Variants in DENND10 observed in about 807,000 individuals in gnomAD.
The protein encoded by DENND10 is DENN domain containing 10, also known as DENN domain-containing protein 10.
In DENND10, 24 loss-of-function variants were observed where a neutral mutation model predicts 43.6. The observed-to-expected ratio is 0.55, with a 90% CI of 0.40 to 0.77. The LOEUF (loss-of-function observed/expected upper bound fraction) is 0.77, where lower values mean the gene tolerates loss of function less well. DENND10 is among the 30% of genes least tolerant of loss of function. The pLI is 0.00. For missense variants in DENND10, 303 were observed against 429.9 expected (o/e 0.70, Z 2.61); for synonymous variants, 125 against 157.6 (o/e 0.79, Z 1.55).
At chr10:119,113,649 C>T (rs1845091026) in intron 3 of DENND10, among the ~76,000 whole-genome samples, 1 of 146,720 alleles carries the variant, frequency 6.8e-6, no homozygotes, top group Admixed American at 7.0e-5. Flanking sequence ...AGGCTTTTGG[C>T]TATTTTTGTG....
chr10:119,120,453 G>C lies in DENND10; in HGVS notation c.593+1G>C. 8.9e-6 allele frequency: 14 copies of C among 1,574,042 alleles called. No homozygotes were observed. The highest frequency in any genetic ancestry group is 1.1e-5 in the Non-Finnish European group (13 of 1,143,910). ...TAGAAGCGGTCCAGGAGTTCACCAGGTATCACCTCTAATTATAAAAAAGTG... is the reference window on the plus strand; with the variant it reads ...TAGAAGCGGTCCAGGAGTTCACCAGCTATCACCTCTAATTATAAAAAAGTG... On this transcript the variant is annotated splice_donor_variant, in intron 5 of 8. Coordinates refer to ENST00000361432, the MANE Select transcript of DENND10 (RefSeq NM_207009.4). LOFTEE classifies it high-confidence loss of function.
chr10:119,136,003 C>CCAT (rs1481789307), intron 8 of DENND10, among the ~76,000 whole-genome samples: 1 of 151,870 alleles, frequency 6.6e-6, no homozygotes, highest in Admixed American at 6.6e-5. Context: ...TGGTGAAACC[C>CCAT]CATCTCTACA....
chr10:119,129,605 T>C lies in DENND10; in HGVS notation c.785T>C (p.Ile262Thr), dbSNP rs757662276. 3 of 1,609,106 alleles carry C rather than the reference T, an allele frequency of 1.9e-6. No individual in the cohort carries two copies. Among genetic ancestry groups the C allele is most frequent in the East Asian group, 2.2e-5 (1 of 44,854 alleles). Residue 262 changes from isoleucine to threonine, a missense_variant, in exon 7 of 9, where the codon ATT (isoleucine) becomes ACT (threonine). Transcript: ENST00000361432. ...FVNLAESEITIAPLAKEAMAM... is the reference protein window; with the variant it reads ...FVNLAESEITTAPLAKEAMAM... ...AATCTGGCAGAGAGTGAGATTACCA[T>C]TGCTCCCCTTGCAAAAGGTTTGTTC... is the stretch of plus-strand genomic sequence containing the variant.
intron 3 of DENND10, chr10:119,114,283 CACACACAGGTCTGTGTGTACAT>C (rs1324515949): frequency 6.6e-6 from 1 of 152,066 alleles, no homozygotes; most frequent in Non-Finnish European, 1.5e-5. Context: ...CACACACACA[CACACACAGGTCTGTGTGTACAT>C]GCACACACTC....
At chr10:119,118,563 C>T (rs1845405518) in intron 4 of DENND10, among the ~76,000 whole-genome samples, 1 of 152,114 alleles carries the variant, frequency 6.6e-6, no homozygotes, top group East Asian at 1.9e-4. Flanking sequence ...TCCTTTTGAT[C>T]CCGCTGTTCT....
At position 119,137,748 on chromosome 10, in the gene DENND10, T is replaced by C. The variant is rs917723128; in HGVS notation, c.*1101T>C. ...TTCATCTTTTTCTTGGTATTACATA[T>C]TTGTTCAATAAAAATTAAACACCCT... On this transcript the variant is annotated 3_prime_UTR_variant, in exon 9 of 9. Transcript: ENST00000361432. The C allele has an allele frequency of 1.8e-5, 3 of 166,604 alleles. No homozygotes were observed. The highest frequency in any genetic ancestry group is 2.9e-5 in the Non-Finnish European group (2 of 68,068). 10.3% of individuals were successfully genotyped at this position (166,604 alleles called of 1,614,324 possible).
chr10:119,123,419 C>A (rs1478015188), intron 5 of DENND10, 50 bp from the exon 6 acceptor site: 3 of 1,368,772 alleles, frequency 2.2e-6, no homozygotes, highest in Non-Finnish European at 3.1e-6. Flanking sequence ...CAGGCTGAGT[C>A]TTTAAGGTGT....
At chr10:119,117,801 A>C (rs751710597) in intron 4 of DENND10, 134 bp downstream of exon 4, 30 of 815,244 alleles carry the variant, frequency 3.7e-5, no homozygotes, top group Non-Finnish European at 5.3e-5. Context: ...CCTCGTCTCC[A>C]CTAAAAATAC....
At chr10:119,125,309 A>C (rs1239093473) in intron 6 of DENND10, among the ~76,000 whole-genome samples, 1 of 150,560 alleles carries the variant, frequency 6.6e-6, no homozygotes, top group Non-Finnish European at 1.5e-5. Flanking sequence ...TTTATCAGTG[A>C]CTTTTTTTTT....
At chr10:119,125,060 C>T (rs907789183) in intron 6 of DENND10, among the ~76,000 whole-genome samples, 14 of 152,030 alleles carry the variant, frequency 9.2e-5, no homozygotes, top group African/African-American at 2.9e-4. Context: ...CAACCTCTGC[C>T]TCCTAGGTTC....
At chr10:119,133,340 C>T (rs1021313591) in intron 8 of DENND10, 4 of 152,404 alleles carry the variant, frequency 2.6e-5, no homozygotes, top group Non-Finnish European at 4.4e-5. Flanking sequence ...GAAGGACTGT[C>T]TCCCATCTGC....
In DENND10 at chr10:119,136,582, T is replaced by C. The variant is rs756032366; in HGVS notation, c.1009T>C (p.Phe337Leu). ...LNLEALKQKR[F>L]PPATENFLYH... The stretch of plus-strand genomic sequence containing the variant: ...TTTGGAGGCGCTAAAGCAAAAACGA[T>C]TTCCACCAGCAACAGAAAACTTCCT... Residue 337 changes from phenylalanine to leucine, a missense_variant, in exon 9 of 9, where the codon TTT (phenylalanine) becomes CTT (leucine). Physicochemically the swap from Phe to Leu is conservative, Grantham distance 22. Coordinates refer to ENST00000361432, the MANE Select transcript of DENND10 (RefSeq NM_207009.4). 2 of 1,580,844 alleles carry C rather than the reference T, an allele frequency of 1.3e-6. No individual in the cohort carries two copies. Among genetic ancestry groups the C allele is most frequent in the Non-Finnish European group, 1.7e-6 (2 of 1,166,938 alleles).
In DENND10 at chr10:119,111,581, C is replaced by CT. The variant is rs552265991; in HGVS notation, c.253-261dup. On this transcript the variant is annotated intron_variant, in intron 2 of 8. Transcript: ENST00000361432. ...TTAGGGGACATTAAGTAGAAATGTA[C>CT]TTTTTTTATATTTGAGTGAAGTATT... Among the ~76,000 whole-genome samples the CT allele has an allele frequency of 1.5e-3, 228 of 151,548 alleles. 2 individuals carry two copies. The highest frequency in any genetic ancestry group is 5.4e-3 in the African/African-American group (221 of 40,980).
chr10:119,123,604 AC>A, intron 6 of DENND10, 35 bp downstream of exon 6: 12 of 1,251,678 alleles, frequency 9.6e-6, no homozygotes, highest in Non-Finnish European at 1.2e-5. Flanking sequence ...GAACTGTTTC[AC>A]TTTTTTTTTT....
chr10:119,129,697 C>G, intron 7 of DENND10, 75 bp downstream of exon 7: 1 of 1,070,162 alleles, frequency 9.3e-7, no homozygotes, highest in Non-Finnish European at 1.4e-6. Context: ...TTCTCTAAAA[C>G]CAGTATGTGA....
chr10:119,112,493 C>CTTTTTTTTTTTTTTTTT (rs1353576739), intron 3 of DENND10, among the ~76,000 whole-genome samples: 2 of 133,498 alleles, frequency 1.5e-5, no homozygotes, highest in Admixed American at 7.6e-5. Context: ...TTTTCTTTTT[C>CTTTTTTTTTTTTTTTTT]TTTTTTTTTT....
At chr10:119,135,391 A>T (rs1172390888) in intron 8 of DENND10, among the ~76,000 whole-genome samples, 1 of 152,196 alleles carries the variant, frequency 6.6e-6, no homozygotes, top group Non-Finnish European at 1.5e-5. Flanking sequence ...ATGGGCAAGC[A>T]AAATGTAGTC....
At chr10:119,107,700 G>T (rs566508306) in intron 1 of DENND10, among the ~76,000 whole-genome samples, 2 of 152,048 alleles carry the variant, frequency 1.3e-5, no homozygotes, top group Non-Finnish European at 2.9e-5. Context: ...CATCGTGCCC[G>T]GCCAAAACTC....
chr10:119,118,816 G>A (rs1200127256), intron 4 of DENND10, among the ~76,000 whole-genome samples: 2 of 147,434 alleles, frequency 1.4e-5, no homozygotes. Flanking sequence ...GACTACAGGT[G>A]CACACCACCA....
Sources: gnomAD v4.1 joint callset for allele counts (sites outside exome capture counted in the v4.1 genomes callset) on GRCh38, gnomAD v4.1.1 for gene constraint, MANE v1.5 for transcripts, NCBI Gene and HGNC (gene_info 2026-07-23, HGNC 2026-07-21) for gene names.